The following ADAMTS17 variants were observed in gnomAD, a reference collection of about 807,000 sequenced individuals.
ADAMTS17 encodes ADAM metallopeptidase with thrombospondin type 1 motif 17.
Under a neutral mutation model 141.5 loss-of-function variants are expected in ADAMTS17, and 113 were observed. The observed-to-expected ratio is 0.80, with a 90% CI of 0.69 to 0.93. The LOEUF is 0.93. Ranked by LOEUF, ADAMTS17 falls within the 40% of genes least tolerant of loss-of-function variation. The pLI, the probability that ADAMTS17 is intolerant of heterozygous loss-of-function variation, is 0.00. For missense variants in ADAMTS17, 1,659 were observed against 1,517.9 expected, an observed-to-expected ratio of 1.09 and a Z score of -1.54; for synonymous variants, 768 against 630.6, an observed-to-expected ratio of 1.22 and a Z score of -3.27.
intron 8 of ADAMTS17, among the ~76,000 whole-genome samples, chr15:100,172,238 C>T (rs530560292): frequency 6.6e-6 from 1 of 152,278 alleles, no homozygotes; most frequent in South Asian, 2.1e-4. Flanking sequence ...CTCCCTCAAT[C>T]ACAGGCTCTG....
rs1290561082 is a variant in ADAMTS17, at chr15:100,153,125, AC to A, written c.1323-364del. On this transcript the variant is annotated intron_variant, in intron 9 of 21. Transcript: ENST00000268070. ...TCTTAGACTATGGCTTTGAGCAAAA[AC>A]TATCATGAATAAAGAACAAGTACAA... Among the ~76,000 whole-genome samples the A allele has an allele frequency of 4.2e-4, 64 of 152,328 alleles. 1 individual carries two copies. The highest frequency in any genetic ancestry group is 1.5e-3 in the African/African-American group (64 of 41,566).
intron 15 of ADAMTS17, among the ~76,000 whole-genome samples, chr15:100,078,429 AT>A (rs34296272): frequency 0.16 from 23,767 of 151,752 alleles, 3,595 homozygotes; most frequent in African/African-American, 0.4. Flanking sequence ...CCAGAAAACA[AT>A]TTTTTTTTAA....
chr15:100,272,824 G>GT, intron 4 of ADAMTS17, among the ~76,000 whole-genome samples: 1 of 151,862 alleles, frequency 6.6e-6, no homozygotes, highest in South Asian at 2.1e-4. Context: ...ATTATTAGCT[G>GT]TGAGTTTTTC....
At chr15:100,023,878 T>C in intron 18 of ADAMTS17, among the ~76,000 whole-genome samples, 1 of 152,236 alleles carries the variant, frequency 6.6e-6, no homozygotes, top group East Asian at 1.9e-4. Context: ...ATTTTCTGCT[T>C]AGTAGAACTT....
At chr15:100,226,574 T>C (rs62036194) in intron 7 of ADAMTS17, among the ~76,000 whole-genome samples, 12,879 of 152,284 alleles carry the variant, frequency 0.085, 780 homozygotes, top group Non-Finnish European at 0.12. Context: ...GGAAATGGGA[T>C]TCTGGAGAAA....
rs894612861 is a variant in ADAMTS17, at chr15:100,229,142, A to G, written c.1075+24994T>C. ...TTATGGAGTATCCCTGAAGACCCCAACAGAGTAGCTCACCACTGACACTGC... is the reference window on the plus strand; with the variant it reads ...TTATGGAGTATCCCTGAAGACCCCAGCAGAGTAGCTCACCACTGACACTGC... On this transcript the variant is annotated intron_variant, in intron 7 of 21. Coordinates refer to ENST00000268070, the MANE Select transcript of ADAMTS17 (RefSeq NM_139057.4). Among the ~76,000 whole-genome samples, 16 of 152,122 alleles carry G rather than the reference A, an allele frequency of 1.1e-4. 2 individuals are homozygous for G. The highest frequency in any genetic ancestry group is 9.8e-4 in the Admixed American group (15 of 15,280).
intron 15 of ADAMTS17, among the ~76,000 whole-genome samples, chr15:100,058,032 T>C (rs1023245621): frequency 1.3e-5 from 2 of 151,896 alleles, no homozygotes; most frequent in Non-Finnish European, 2.9e-5. Context: ...TTCCTATAAA[T>C]AGGCCCCAGA....
At chr15:100,157,888 C>CTTTTTTTT (rs1215411149) in intron 8 of ADAMTS17, among the ~76,000 whole-genome samples, 11,654 of 140,632 alleles carry the variant, frequency 0.083, 539 homozygotes, top group South Asian at 0.2. Context: ...TAGCTATATT[C>CTTTTTTTT]TTTTTTTTTT....
intron 7 of ADAMTS17, among the ~76,000 whole-genome samples, chr15:100,246,793 ATAT>A: frequency 6.6e-6 from 1 of 152,184 alleles, no homozygotes; most frequent in South Asian, 2.1e-4. Flanking sequence ...CAGGCTAGTG[ATAT>A]TATTTTTTCA....
At chr15:100,339,312 G>C (rs1204167923) in intron 2 of ADAMTS17, among the ~76,000 whole-genome samples, 1 of 152,168 alleles carries the variant, frequency 6.6e-6, no homozygotes, top group Admixed American at 6.5e-5. Flanking sequence ...TTCACAGATA[G>C]CTCCTTGCTG....
chr15:100,168,103 C>A (rs1412378078), intron 8 of ADAMTS17, among the ~76,000 whole-genome samples: 1 of 152,194 alleles, frequency 6.6e-6, no homozygotes, highest in Non-Finnish European at 1.5e-5. Flanking sequence ...CTGCGGCGGG[C>A]CTTCCTCAGG....
At chr15:100,189,380 G>T (rs760351530) in intron 8 of ADAMTS17, among the ~76,000 whole-genome samples, 1 of 152,198 alleles carries the variant, frequency 6.6e-6, no homozygotes, top group African/African-American at 2.4e-5. Flanking sequence ...GCAGGAAGTT[G>T]GCTGCCTTTT....
chr15:100,135,127 G>C (rs2038259446), intron 10 of ADAMTS17, among the ~76,000 whole-genome samples: 1 of 152,120 alleles, frequency 6.6e-6, no homozygotes, highest in East Asian at 1.9e-4. Flanking sequence ...GGTGTCAACT[G>C]TTCGTTATGG....
chr15:100,301,319 T>G (rs565164750), intron 3 of ADAMTS17, among the ~76,000 whole-genome samples: 21 of 146,934 alleles, frequency 1.4e-4, no homozygotes, highest in African/African-American at 5.0e-4. Flanking sequence ...CTGTTCTATG[T>G]GAGTTATATA....
chr15:100,124,703 A>G (rs968003762), intron 12 of ADAMTS17, among the ~76,000 whole-genome samples: 3 of 152,244 alleles, frequency 2.0e-5, no homozygotes, highest in Non-Finnish European at 4.4e-5. Context: ...TTCTTTGTAT[A>G]TTCTACCTTC....
At chr15:100,076,711 C>T (rs1328605194) in intron 15 of ADAMTS17, among the ~76,000 whole-genome samples, 2 of 152,134 alleles carry the variant, frequency 1.3e-5, no homozygotes, top group Non-Finnish European at 2.9e-5. Context: ...TTTTAAAAAA[C>T]AATTTATATA....
intron 15 of ADAMTS17, among the ~76,000 whole-genome samples, chr15:100,075,323 T>C (rs1360138236): frequency 1.3e-5 from 2 of 152,242 alleles, no homozygotes; most frequent in Non-Finnish European, 2.9e-5. Context: ...GTTTCTCTAA[T>C]AAATTCTTGC....
At chr15:100,289,838 C>T (rs2044571280) in intron 3 of ADAMTS17, among the ~76,000 whole-genome samples, 4 of 152,114 alleles carry the variant, frequency 2.6e-5, no homozygotes, top group Admixed American at 2.6e-4. Flanking sequence ...AAAAACCCTC[C>T]ACAAACTACA....
At chr15:100,299,286 G>A (rs555878704) in intron 3 of ADAMTS17, among the ~76,000 whole-genome samples, 43 of 151,334 alleles carry the variant, frequency 2.8e-4, no homozygotes, top group African/African-American at 9.8e-4. Flanking sequence ...ACGCCCGGAC[G>A]TCAGGGTGTG....
Sources: gnomAD v4.1 joint callset for allele counts (sites outside exome capture counted in the v4.1 genomes callset) on GRCh38, gnomAD v4.1.1 for gene constraint, MANE v1.5 for transcripts, NCBI Gene and HGNC (gene_info 2026-07-23, HGNC 2026-07-21) for gene names.